Variants in IL2RA observed in about 807,000 individuals in gnomAD.
IL2RA encodes interleukin 2 receptor subunit alpha, also known as interleukin-2 receptor subunit alpha.
In IL2RA, 24 loss-of-function variants were observed where a neutral mutation model predicts 37.8. The ratio of observed to expected loss-of-function variants is 0.63; its 90% confidence interval spans 0.46 to 0.89. The LOEUF is 0.89. Ranked by LOEUF, IL2RA falls within the 40% of genes least tolerant of loss-of-function variation. IL2RA has a pLI of 0.00. For missense variants in IL2RA, 319 were observed against 348.6 expected, an observed-to-expected ratio of 0.92 and a Z score of 0.68; for synonymous variants, 125 against 114.6, an observed-to-expected ratio of 1.09 and a Z score of -0.58.
chr10:6,013,341 G>C (rs1564539268), intron 7 of IL2RA, among the ~76,000 whole-genome samples: 1 of 152,182 alleles, frequency 6.6e-6, no homozygotes, highest in Admixed American at 6.5e-5. Flanking sequence ...GTGCAACCGA[G>C]GAACTGAATT....
At chr10:6,042,151 A>AAAAAAAAAAAAAAAAAAAAAC (rs1416445870) in intron 1 of IL2RA, among the ~76,000 whole-genome samples, 1 of 145,182 alleles carries the variant, frequency 6.9e-6, no homozygotes, top group African/African-American at 2.5e-5. Context: ...TATTAAGCAA[A>AAAAAAAAAAAAAAAAAAAAAC]AAAAAAAAAA....
At chr10:6,037,550 G>T (rs1419214071) in intron 1 of IL2RA, among the ~76,000 whole-genome samples, 3 of 152,212 alleles carry the variant, frequency 2.0e-5, no homozygotes, top group Non-Finnish European at 2.9e-5. Context: ...TCTAGGTGAT[G>T]ATTTCACTGA....
At chr10:6,019,317 A>C in intron 6 of IL2RA, 111 bp downstream of exon 6, 2 of 838,422 alleles carry the variant, frequency 2.4e-6, no homozygotes, top group Non-Finnish European at 4.2e-6. Context: ...CCTACCAGTC[A>C]ACCAACTAAC....
rs1411691490 is a variant in IL2RA, at chr10:6,010,763, C to T, written c.*2109G>A. ...TTATATGTTAACAGCAGAGTGATGA[C>T]ATCATCACGTATCACATAGCTTCTG... On this transcript the variant is annotated 3_prime_UTR_variant, in exon 8 of 8. Coordinates refer to ENST00000379959, the MANE Select transcript of IL2RA (RefSeq NM_000417.3). 6.6e-6 allele frequency: 1 copy of T among 152,042 alleles called. No homozygotes were observed. Among genetic ancestry groups the T allele is most frequent in the Non-Finnish European group, 1.5e-5 (1 of 68,016 alleles). 9.4% of individuals were successfully genotyped at this position (152,042 alleles called of 1,614,324 possible).
chr10:6,025,068 A>T lies in IL2RA; in HGVS notation c.257-714T>A. Reference sequence around the variant, plus strand: ...GACAACATGGGGAAACCCCATCACTAACAAAAAATACAAAATATTAGCCAG... The same window carrying T: ...GACAACATGGGGAAACCCCATCACTTACAAAAAATACAAAATATTAGCCAG... On this transcript the variant is annotated intron_variant, in intron 2 of 7. Coordinates refer to ENST00000379959, the MANE Select transcript of IL2RA (RefSeq NM_000417.3). This position sits in a 1 kb window ranked among gnomAD's most constrained non-coding sequence, Gnocchi z 4.4. Among the ~76,000 whole-genome samples, 1 of 152,108 alleles carries T rather than the reference A, an allele frequency of 6.6e-6. No homozygotes were observed. The highest frequency in any genetic ancestry group is 1.5e-5 in the Non-Finnish European group (1 of 68,006).
intron 1 of IL2RA, among the ~76,000 whole-genome samples, chr10:6,043,213 A>T (rs1839799102): frequency 6.6e-6 from 1 of 152,234 alleles, no homozygotes; most frequent in South Asian, 2.1e-4. Flanking sequence ...AAACATCAAA[A>T]ATGAATCTCA....
intron 1 of IL2RA, among the ~76,000 whole-genome samples, chr10:6,034,482 A>G (rs1202672800): frequency 6.6e-6 from 1 of 152,184 alleles, no homozygotes; most frequent in Non-Finnish European, 1.5e-5. Flanking sequence ...TTATAAAAGC[A>G]GCAACAGAAC....
rs1839393473 is a variant in IL2RA, at chr10:6,021,860, G to T, written c.368-167C>A. Among the ~76,000 whole-genome samples, 1 of 152,176 alleles carries T rather than the reference G, an allele frequency of 6.6e-6. No individual in the cohort carries two copies. Among genetic ancestry groups the T allele is most frequent in the Non-Finnish European group, 1.5e-5 (1 of 68,036 alleles). ...AGAACGTCTGAGCGTGGGGAAGTTT[G>T]CTAGGCCCTGTAGGAAGGCACGAAG... On this transcript the variant is annotated intron_variant, in intron 3 of 7. Coordinates refer to ENST00000379959, the MANE Select transcript of IL2RA (RefSeq NM_000417.3). This position sits in a 1 kb window ranked among gnomAD's most constrained non-coding sequence, Gnocchi z 4.9.
At chr10:6,019,808 C>G in intron 5 of IL2RA, 62 bp downstream of exon 5, 8 of 1,475,078 alleles carry the variant, frequency 5.4e-6, no homozygotes, top group Non-Finnish European at 7.6e-6. Flanking sequence ...GAGCCTGGCT[C>G]CTGGTCACCT....
chr10:6,025,911 C>A lies in IL2RA; in HGVS notation c.179G>T (p.Ser60Ile), dbSNP rs1489675522. ...TGTACAGAGCATATAGAGTGACCCG[C>A]TTTTTATTCTGCGGAAACCTCTCTT... ...ECKRGFRRIKSGSLYMLCTGN... is the reference protein window; with the variant it reads ...ECKRGFRRIKIGSLYMLCTGN... The change falls in exon 2 of 8, where the codon AGC becomes ATC. Residue 60 changes from serine to isoleucine, a missense_variant. Coordinates refer to ENST00000379959, the MANE Select transcript of IL2RA (RefSeq NM_000417.3). The surrounding 1 kb of genome is among the most constrained non-coding windows in gnomAD (Gnocchi z 4.4). The A allele has an allele frequency of 1.9e-6, 3 of 1,614,204 alleles. No individual in the cohort carries two copies. The highest frequency in any genetic ancestry group is 1.7e-6 in the Non-Finnish European group (2 of 1,180,034).
At chr10:6,032,372 T>C (rs1225504790) in intron 1 of IL2RA, among the ~76,000 whole-genome samples, 1 of 152,118 alleles carries the variant, frequency 6.6e-6, no homozygotes, top group Non-Finnish European at 1.5e-5. Context: ...AAATTGAGAA[T>C]GTCTACTCAT....
At chr10:6,060,222 C>G (rs1840102551) in intron 1 of IL2RA, among the ~76,000 whole-genome samples, 1 of 152,164 alleles carries the variant, frequency 6.6e-6, no homozygotes, top group African/African-American at 2.4e-5. Flanking sequence ...AGTATGCCCT[C>G]TTTATAAGAA....
rs557079546 is a variant in IL2RA at position 6,060,269 on chromosome 10, G to A, written c.64+1819C>T. 5.3e-5 allele frequency among the ~76,000 whole-genome samples: 8 copies of A among 152,298 alleles called. No homozygotes were observed. The South Asian group carries it at 1.7e-3, about 32-fold the overall frequency. ...ACTCTGAGGACTCAGGGGAAAGGGT[G>A]CGAGGTGGGTGAGGGAAAAGAGACT... On this transcript the variant is annotated intron_variant, in intron 1 of 7. Transcript: ENST00000379959.
Position 6,028,445 on chromosome 10 carries a change from C to T in IL2RA, c.65-2420G>A, listed in dbSNP as rs12722557. ...TCCAATCCTGCTTTAGAGAAAGAGG[C>T]ATCCCTAGGATGAATTTCAAAACCA... On this transcript the variant is annotated intron_variant, in intron 1 of 7. Transcript: ENST00000379959. The surrounding 1 kb of genome is among the most constrained non-coding windows in gnomAD (Gnocchi z 4.1). 0.023 allele frequency among the ~76,000 whole-genome samples: 3,468 copies of T among 152,270 alleles called. 53 individuals are homozygous for T. Among genetic ancestry groups the T allele is most frequent in the Non-Finnish European group, 0.037 (2,493 of 68,010 alleles).
rs1015233762 is a variant in IL2RA at position 6,011,569 on chromosome 10, A to T, written c.*1303T>A. ...TTGTCTTTTTTTCCTTAAAGACAGG[A>T]TCTTGCTCTGTTGCCCAGGCTGGAG... On this transcript the variant is annotated 3_prime_UTR_variant, in exon 8 of 8. Coordinates refer to ENST00000379959, the MANE Select transcript of IL2RA (RefSeq NM_000417.3). The surrounding 1 kb of genome is among the most constrained non-coding windows in gnomAD (Gnocchi z 5.2). 3.9e-5 allele frequency: 6 copies of T among 152,222 alleles called. No individual in the cohort carries two copies. The highest frequency in any genetic ancestry group is 7.3e-5 in the Non-Finnish European group (5 of 68,086). The allele number at this position is 152,222 out of a possible 1,614,324, so 9.4% of individuals were successfully genotyped here.
chr10:6,049,352 A>G (rs925886768), intron 1 of IL2RA, among the ~76,000 whole-genome samples: 2 of 152,078 alleles, frequency 1.3e-5, no homozygotes, highest in African/African-American at 4.8e-5. Flanking sequence ...GGTGAGGGTG[A>G]TTTTCTTTAC....
At chr10:6,051,834 T>TAGAGAGAGAGAGAG (rs772262467) in intron 1 of IL2RA, among the ~76,000 whole-genome samples, 4 of 119,612 alleles carry the variant, frequency 3.3e-5, no homozygotes, top group East Asian at 5.1e-4. Flanking sequence ...TATATATATA[T>TAGAGAGAGAGAGAG]ATATATATAG....
At chr10:6,019,376 C>T (rs1839340354) in intron 6 of IL2RA, 52 bp downstream of exon 6, 1 of 1,361,486 alleles carries the variant, frequency 7.3e-7, no homozygotes, top group South Asian at 1.2e-5. Context: ...GTCAACCTGT[C>T]CATATCTCAG....
intron 1 of IL2RA, among the ~76,000 whole-genome samples, chr10:6,050,418 A>G (rs1256540631): frequency 6.6e-6 from 1 of 152,110 alleles, no homozygotes; most frequent in Admixed American, 6.5e-5. Context: ...TGGTGGATCA[A>G]TTGAGGTCAG....
Sources: allele counts gnomAD v4.1 joint callset (sites outside exome capture counted in the v4.1 genomes callset), GRCh38; gene constraint gnomAD v4.1.1; non-coding constraint Gnocchi (gnomAD v3.1); transcripts MANE v1.5; gene names NCBI Gene and HGNC (gene_info 2026-07-23, HGNC 2026-07-21).